Variants in SNX25 observed in about 807,000 individuals in gnomAD.
SNX25 encodes the protein sorting nexin 25.
A neutral mutation model predicts 113.7 loss-of-function variants in SNX25; 62 were observed. The ratio of observed to expected loss-of-function variants is 0.55; its 90% CI spans 0.44 to 0.67. The LOEUF (loss-of-function observed/expected upper bound fraction) is 0.67, where lower values mean the gene tolerates loss of function less well. Ranked by LOEUF, SNX25 falls within the 30% of genes least tolerant of loss-of-function variation. SNX25 has a pLI of 0.00. For synonymous variants in SNX25, 421 were observed against 436.2 expected, an observed-to-expected ratio of 0.97 and a Z score of 0.43; for missense variants, 1,014 against 1,161.0, an observed-to-expected ratio of 0.87 and a Z score of 1.84.
At chr4:185,235,038 G>T (rs1411246863) in intron 1 of SNX25, among the ~76,000 whole-genome samples, 2 of 152,150 alleles carry the variant, frequency 1.3e-5, no homozygotes, top group African/African-American at 4.8e-5. Context: ...TTTTAATTTC[G>T]TATTTGTTCA....
intron 6 of SNX25, among the ~76,000 whole-genome samples, chr4:185,297,860 T>C (rs758811208): frequency 6.6e-6 from 1 of 152,184 alleles, no homozygotes; most frequent in Non-Finnish European, 1.5e-5. Flanking sequence ...TACTGTCTTA[T>C]TGGAAGTTAA....
intron 10 of SNX25, among the ~76,000 whole-genome samples, chr4:185,338,234 T>C (rs2095241750): frequency 6.6e-6 from 1 of 152,106 alleles, no homozygotes; most frequent in South Asian, 2.1e-4. Context: ...CAAGAAATCA[T>C]AGCTAAATCC....
chr4:185,329,113 G>T (rs970216807), intron 9 of SNX25, among the ~76,000 whole-genome samples: 1 of 152,112 alleles, frequency 6.6e-6, no homozygotes, highest in Non-Finnish European at 1.5e-5. Context: ...AGGTAGAAAA[G>T]AATATAGACA....
intron 1 of SNX25, among the ~76,000 whole-genome samples, chr4:185,222,668 A>G (rs1740184516): frequency 6.6e-6 from 1 of 152,240 alleles, no homozygotes; most frequent in Non-Finnish European, 1.5e-5. Context: ...CTCCATATGA[A>G]GGCAGAAACT....
chr4:185,308,064 C>G (rs1410860386), intron 6 of SNX25, among the ~76,000 whole-genome samples: 2 of 152,206 alleles, frequency 1.3e-5, no homozygotes, highest in Non-Finnish European at 2.9e-5. Context: ...GGGCCCACAC[C>G]TCTCTTTACT....
At chr4:185,220,866 T>C (rs1739724826) in intron 1 of SNX25, among the ~76,000 whole-genome samples, 1 of 152,024 alleles carries the variant, frequency 6.6e-6, no homozygotes, top group African/African-American at 2.4e-5. Context: ...TTAATTTTAT[T>C]TATTTATTTA....
downstream of SNX25, chr4:185,372,800 A>G: frequency 3.5e-6 from 5 of 1,408,758 alleles, no homozygotes; most frequent in Non-Finnish European, 4.9e-6. Context: ...TTTCTCATAA[A>G]TTACCTAGTG....
intron 7 of SNX25, among the ~76,000 whole-genome samples, chr4:185,318,434 T>A (rs2095092598): frequency 6.6e-6 from 1 of 152,230 alleles, no homozygotes; most frequent in African/African-American, 2.4e-5. Flanking sequence ...AGGTTCTTTT[T>A]CTTTTCCTGT....
chr4:185,261,191 T>C (rs192915036), intron 3 of SNX25, among the ~76,000 whole-genome samples: 87 of 152,134 alleles, frequency 5.7e-4, no homozygotes, highest in African/African-American at 1.7e-3. Flanking sequence ...TTTTTATTTT[T>C]ATTTTTTCAG....
intron 1 of SNX25, chr4:185,204,509 G>A (rs1737099984): frequency 6.6e-6 from 1 of 152,224 alleles, no homozygotes; most frequent in Non-Finnish European, 1.5e-5. Context: ...GATCTCTGCA[G>A]AATATATTGA....
chr4:185,332,811 G>T, intron 10 of SNX25, 52 bp downstream of exon 10: 3 of 1,567,150 alleles, frequency 1.9e-6, no homozygotes, highest in Non-Finnish European at 2.6e-6. Context: ...TGTCTAATTT[G>T]GTAGTTTTCA....
intron 7 of SNX25, among the ~76,000 whole-genome samples, chr4:185,311,043 G>C (rs996108031): frequency 6.6e-6 from 1 of 152,076 alleles, no homozygotes; most frequent in Non-Finnish European, 1.5e-5. Flanking sequence ...GTGTGTGTGC[G>C]TGTGTGGATA....
rs772985250 is a variant in SNX25, at chr4:185,264,388, T to G, written c.732-50T>G. ...TATTTTTTACCTAATAGTACATAAT[T>G]GAATTGTTTCTAGAAACTTCTTTCC... On this transcript the variant is annotated intron_variant, in intron 3 of 18. Transcript: ENST00000652585. The G allele has an allele frequency of 5.8e-6, 9 of 1,558,404 alleles. No individual in the cohort carries two copies. In the South Asian group the frequency reaches 1.0e-4, roughly 18 times the overall value.
chr4:185,257,239 C>T (rs892410201), intron 2 of SNX25, among the ~76,000 whole-genome samples: 5 of 151,188 alleles, frequency 3.3e-5, no homozygotes, highest in African/African-American at 4.9e-5. Context: ...TTGGTACCCT[C>T]GAGTTGGAGC....
At chr4:185,236,825 A>C (rs1185989651) in intron 1 of SNX25, among the ~76,000 whole-genome samples, 2 of 151,710 alleles carry the variant, frequency 1.3e-5, no homozygotes, top group Admixed American at 1.3e-4. Flanking sequence ...TACTATTGTT[A>C]TCTATTTTAC....
At chr4:185,352,295 T>C (rs751806249) in intron 14 of SNX25, among the ~76,000 whole-genome samples, 1 of 152,188 alleles carries the variant, frequency 6.6e-6, no homozygotes, top group African/African-American at 2.4e-5. Context: ...AAATGTGGCT[T>C]CCCCTCAGTC....
At chr4:185,231,199 C>T (rs989157502) in intron 1 of SNX25, among the ~76,000 whole-genome samples, 9 of 151,272 alleles carry the variant, frequency 5.9e-5, no homozygotes, top group Admixed American at 4.6e-4. Context: ...CCTGGGTTCA[C>T]GCCATTCTCC....
At chr4:185,261,932 G>A (rs1360515926) in intron 3 of SNX25, among the ~76,000 whole-genome samples, 1 of 152,178 alleles carries the variant, frequency 6.6e-6, no homozygotes. Context: ...AACTAATATT[G>A]TCTAATATTG....
chr4:185,234,681 C>CA lies in SNX25; in HGVS notation c.430-12592dup, dbSNP rs369613640. Among the ~76,000 whole-genome samples the CA allele has an allele frequency of 5.0e-3, 79 of 15,898 alleles. 7 individuals are homozygous for CA. Among genetic ancestry groups the CA allele is most frequent in the East Asian group, 0.012 (5 of 416 alleles). The allele number at this position is 15,898 out of a possible 152,430, so 10.4% of individuals were successfully genotyped here. The stretch of plus-strand genomic sequence containing the variant: ...TGGGCGACAGAGCGAGACTCTGTCT[C>CA]AAAAAAAAAAAAAAAAAAAAAGTTT... On this transcript the variant is annotated intron_variant, in intron 1 of 18. Transcript: ENST00000652585.
Sources: gnomAD v4.1 joint callset for allele counts (sites outside exome capture counted in the v4.1 genomes callset) on GRCh38, gnomAD v4.1.1 for gene constraint, MANE v1.5 for transcripts, NCBI Gene and HGNC (gene_info 2026-07-23, HGNC 2026-07-21) for gene names.